The following CYP2E1 variants were observed in gnomAD, a reference collection of about 807,000 sequenced individuals.
CYP2E1 encodes cytochrome P450 2E1.
In CYP2E1, 31 loss-of-function variants were observed where a neutral mutation model predicts 42.9. The observed-to-expected ratio is 0.72, with a 90% CI of 0.54 to 0.98. The LOEUF is 0.98. Among genes scored for constraint, CYP2E1 ranks in the 50% least tolerant of loss-of-function variants. The pLI is 0.00. For synonymous variants in CYP2E1, 244 were observed against 248.9 expected, an observed-to-expected ratio of 0.98 and a Z score of 0.19; for missense variants, 565 against 633.2, an observed-to-expected ratio of 0.89 and a Z score of 1.16.
intron 5 of CYP2E1, 71 bp downstream of exon 5, chr10:133,532,939 G>A (rs1589955119): frequency 7.1e-7 from 1 of 1,415,978 alleles, no homozygotes; most frequent in South Asian, 1.4e-5. Context: ...GATTTACAGA[G>A]TGAGCTGCAC....
chr10:133,538,692 T>G, intron 8 of CYP2E1, 88 bp from the exon 9 acceptor site: 1 of 1,219,610 alleles, frequency 8.2e-7, no homozygotes. Flanking sequence ...CACAGCCTCC[T>G]CCTCCCCGCT....
At chr10:133,529,140 G>A (rs8192770) in intron 2 of CYP2E1, among the ~76,000 whole-genome samples, 33,212 of 152,088 alleles carry the variant, frequency 0.22, 4,046 homozygotes, top group East Asian at 0.43. Flanking sequence ...TCCTGAGACC[G>A]GGAAGGGGGA....
intron 2 of CYP2E1, among the ~76,000 whole-genome samples, 190 bp downstream of exon 2, chr10:133,528,830 C>G (rs1188684083): frequency 1.3e-5 from 2 of 152,364 alleles, no homozygotes; most frequent in East Asian, 3.9e-4. Context: ...CGCACTGAGT[C>G]GCCCAGGAAT....
At chr10:133,531,962 G>T in intron 3 of CYP2E1, 162 bp from the exon 4 acceptor site, 1 of 795,556 alleles carries the variant, frequency 1.3e-6, no homozygotes, top group Admixed American at 2.7e-5. Context: ...CTGTTGAAAA[G>T]CAAAGGAAAC....
In CYP2E1 at chr10:133,528,669, G is replaced by A. The variant is rs529392665; in HGVS notation, c.337+29G>A. On this transcript the variant is annotated intron_variant, in intron 2 of 8. Transcript: ENST00000252945. ...AGTCCGCGTCCCTGGCACGGAGCGG[G>A]GGGTGCATAACACGCCCCGGGACAG... is the stretch of plus-strand genomic sequence containing the variant. The A allele has an allele frequency of 1.2e-5, 20 of 1,611,784 alleles. No individual in the cohort carries two copies. In the East Asian group the frequency reaches 2.7e-4, roughly 22 times the overall value.
chr10:133,532,798 A>G lies in CYP2E1; in HGVS notation c.755A>G (p.Glu252Gly), dbSNP rs1851354756. 1.9e-6 allele frequency: 3 copies of G among 1,613,368 alleles called. No individual in the cohort carries two copies. Among genetic ancestry groups the G allele is most frequent in the Admixed American group, 1.7e-5 (1 of 59,946 alleles). The change falls in exon 5 of 9, where the codon GAG becomes GGG. Residue 252 changes from glutamate to glycine, a missense_variant. Transcript: ENST00000252945. ...VKEYVSERVKEHHQSLDPNCP... is the reference protein window; with the variant it reads ...VKEYVSERVKGHHQSLDPNCP... ...GAGTATGTGTCTGAAAGGGTGAAGG[A>G]GCACCATCAATCTCTGGACCCCAAC...
Position 133,537,139 on chromosome 10 carries a change from C to G in CYP2E1, c.1044C>G (p.Pro348=), listed in dbSNP as rs146344065. 7.1e-4 allele frequency: 1,145 copies of G among 1,613,352 alleles called. No homozygotes were observed. The African/African-American group carries it at 0.012, about 17-fold the overall frequency. Residue 348 remains proline, a synonymous_variant, in exon 7 of 9, where the codon CCC becomes CCG. Transcript: ENST00000252945. ...IPAIKDRQEM[P]YMDAVVHEIQ... ...CCATCAAGGATAGGCAAGAGATGCCCTACATGGATGCTGTGGTGCATGAGA... is the reference window on the plus strand; with the variant it reads ...CCATCAAGGATAGGCAAGAGATGCCGTACATGGATGCTGTGGTGCATGAGA...
chr10:133,537,778 T>A lies in CYP2E1; in HGVS notation c.1183T>A (p.Ser395Thr). ...CACAGTCGTAGTGCCAACTCTGGACTCTGTTTTGTATGACAACCAAGAATT... is the reference window on the plus strand; with the variant it reads ...CACAGTCGTAGTGCCAACTCTGGACACTGTTTTGTATGACAACCAAGAATT... ...KGTVVVPTLD[S>T]VLYDNQEFPD... Residue 395 changes from serine (S) to threonine (T), a missense_variant, in exon 8 of 9, where the codon TCT becomes ACT. Physicochemically the swap from Ser to Thr is moderately conservative, Grantham distance 58. Coordinates refer to ENST00000252945, the MANE Select transcript of CYP2E1 (RefSeq NM_000773.4). 6.2e-7 allele frequency: 1 copy of A among 1,614,022 alleles called. No individual in the cohort carries two copies. Among genetic ancestry groups the A allele is most frequent in the Non-Finnish European group, 8.5e-7 (1 of 1,179,902 alleles).
At chr10:133,533,636 C>A in intron 5 of CYP2E1, 120 bp from the exon 6 acceptor site, 3 of 1,144,358 alleles carry the variant, frequency 2.6e-6, no homozygotes, top group Non-Finnish European at 3.7e-6. Context: ...AGTCACAGTT[C>A]CACTGGGAGA....
chr10:133,530,728 G>T (rs1851326079), intron 2 of CYP2E1, among the ~76,000 whole-genome samples: 1 of 152,186 alleles, frequency 6.6e-6, no homozygotes, highest in South Asian at 2.1e-4. Flanking sequence ...AGTGATGATG[G>T]ATAAGAGGAA....
intron 1 of CYP2E1, 50 bp from the exon 2 acceptor site, chr10:133,528,431 C>T (rs41299410): frequency 0.03 from 47,830 of 1,603,564 alleles, 890 homozygotes; most frequent in Non-Finnish European, 0.033. Context: ...TAGAGCCCCG[C>T]ACCTCCTCGC....
chr10:133,536,545 A>G (rs61868334), intron 6 of CYP2E1, among the ~76,000 whole-genome samples: 29 of 25,354 alleles, frequency 1.1e-3, no homozygotes, highest in East Asian at 3.9e-3. Flanking sequence ...AGATGGGTGG[A>G]TGGGTGGATG....
Position 133,537,006 on chromosome 10 carries a change from G to A in CYP2E1, c.968-57G>A, listed in dbSNP as rs1234571752. 31 of 1,531,874 alleles carry A rather than the reference G, an allele frequency of 2.0e-5. No homozygotes were observed. The African/African-American group carries it at 3.5e-4, about 18-fold the overall frequency. The allele number at this position is 1,531,874 out of a possible 1,614,324, so 94.9% of individuals were successfully genotyped here. ...TGAATAGATGGGTGGATGATGGGTG[G>A]ATGCCCAACTGGCCAGGAACCAATC... is the stretch of plus-strand genomic sequence containing the variant. On this transcript the variant is annotated intron_variant, in intron 6 of 8. Coordinates refer to ENST00000252945, the MANE Select transcript of CYP2E1 (RefSeq NM_000773.4).
intron 6 of CYP2E1, among the ~76,000 whole-genome samples, chr10:133,535,721 T>C (rs1431592377): frequency 2.0e-5 from 3 of 152,174 alleles, no homozygotes; most frequent in Non-Finnish European, 4.4e-5. Context: ...TTGCGATACT[T>C]CCATCAGAGC....
intron 2 of CYP2E1, 87 bp from the exon 3 acceptor site, chr10:133,531,498 C>G: frequency 6.8e-7 from 1 of 1,470,908 alleles, no homozygotes; most frequent in Admixed American, 1.7e-5. Flanking sequence ...ACCTGTAAAT[C>G]CTGCCCTGCT....
At position 133,538,947 on chromosome 10, in the gene CYP2E1, GTC is replaced by G; in HGVS notation, c.1466_1467del (p.Val489AspfsTer12). 2 of 1,612,822 alleles carry G rather than the reference GTC, an allele frequency of 1.2e-6. No individual in the cohort carries two copies. The highest frequency in any genetic ancestry group is 4.5e-5 in the East Asian group (2 of 44,830). On this transcript the variant is annotated frameshift_variant, in exon 9 of 9. Coordinates refer to ENST00000252945, the MANE Select transcript of CYP2E1 (RefSeq NM_000773.4). LOFTEE classifies it high-confidence loss of function. ...TATCCCACCACGTTACAAACTCTGT[GTC>G]ATTCCCCGCTCATGAGTGTGTGGAG... ...GCIPPRYKLC[V>X]IPRS is the part of the protein sequence containing the mutation.
intron 2 of CYP2E1, among the ~76,000 whole-genome samples, chr10:133,529,492 G>A (rs1446089626): frequency 2.0e-5 from 3 of 152,240 alleles, no homozygotes; most frequent in Admixed American, 1.3e-4. Context: ...TTCTTCCTGG[G>A]TCAACTTTGA....
At chr10:133,538,040 A>G (rs1056469269) in intron 8 of CYP2E1, 148 bp downstream of exon 8, 6 of 686,878 alleles carry the variant, frequency 8.7e-6, no homozygotes, top group Non-Finnish European at 1.4e-5. Context: ...CATGACCCAA[A>G]TGTGCTCTTC....
In CYP2E1 at chr10:133,533,745, C is replaced by T. The variant is rs371350973; in HGVS notation, c.826-11C>T. The T allele has an allele frequency of 9.2e-5, 148 of 1,613,438 alleles. No homozygotes were observed. The highest frequency in any genetic ancestry group is 1.5e-4 in the African/African-American group (11 of 74,884). Reference sequence around the variant, plus strand: ...AGCCCCTTCTCCTCCGGTCTGTCTCCGGTATCACAGGAAAAGCACAGTGCA... The same window carrying T: ...AGCCCCTTCTCCTCCGGTCTGTCTCTGGTATCACAGGAAAAGCACAGTGCA... On this transcript the variant is annotated splice_polypyrimidine_tract_variant and intron_variant, in intron 5 of 8. Transcript: ENST00000252945.
Sources: allele counts gnomAD v4.1 joint callset (sites outside exome capture counted in the v4.1 genomes callset), GRCh38; gene constraint gnomAD v4.1.1; transcripts MANE v1.5; gene names NCBI Gene and HGNC (gene_info 2026-07-23, HGNC 2026-07-21).